The following AVEN variants were observed in gnomAD, a reference collection of about 807,000 sequenced individuals.
The protein encoded by AVEN is apoptosis and caspase activation inhibitor.
A neutral mutation model predicts 38.1 loss-of-function variants in AVEN; 41 were observed. The ratio of observed to expected loss-of-function variants is 1.08; its 90% confidence interval spans 0.84 to 1.40. The LOEUF is 1.40. AVEN is among the 40% of genes most tolerant of loss of function. The probability of loss-of-function intolerance (pLI) is 0.00; values close to 1 mark genes in which losing one functional copy is unlikely to be tolerated. For synonymous variants in AVEN, 206 were observed against 171.8 expected (o/e 1.20, Z -1.56); for missense variants, 605 against 438.8 (o/e 1.38, Z -3.38).
At chr15:33,937,896 T>C (rs1894148800) in intron 2 of AVEN, among the ~76,000 whole-genome samples, 1 of 135,612 alleles carries the variant, frequency 7.4e-6, no homozygotes, top group Non-Finnish European at 1.5e-5. Context: ...ATATGGTATT[T>C]ACAGCAGCCT....
intron 2 of AVEN, among the ~76,000 whole-genome samples, chr15:33,941,942 A>G (rs929670961): frequency 6.6e-6 from 1 of 152,210 alleles, no homozygotes; most frequent in Non-Finnish European, 1.5e-5. Flanking sequence ...ACAACAAAGA[A>G]AATAAAGGGA....
intron 2 of AVEN, among the ~76,000 whole-genome samples, chr15:33,995,167 G>T (rs1164192616): frequency 2.6e-5 from 4 of 152,064 alleles, no homozygotes; most frequent in Non-Finnish European, 5.9e-5. Context: ...AGGAGGCTGG[G>T]GCAGGAGGAT....
At chr15:33,943,427 A>G (rs13380256) in intron 2 of AVEN, among the ~76,000 whole-genome samples, 11,726 of 152,164 alleles carry the variant, frequency 0.077, 1,382 homozygotes, top group African/African-American at 0.25. Context: ...AATAGAAAGT[A>G]CAATGAAGGC....
chr15:33,996,653 G>C (rs935575008), intron 2 of AVEN, among the ~76,000 whole-genome samples: 1 of 152,156 alleles, frequency 6.6e-6, no homozygotes, highest in Admixed American at 6.5e-5. Context: ...GAAAGGAATA[G>C]CATCAACATC....
At chr15:33,857,251 CACCA>C (rs61351846), downstream of AVEN, among the ~76,000 whole-genome samples, 149,241 of 151,992 alleles carry the variant, frequency 0.98, 73,331 homozygotes, top group Middle Eastern at 1. Context: ...GTGCTGGCAG[CACCA>C]GCACCTGGTC....
chr15:33,894,520 A>C (rs1892129993), intron 2 of AVEN, among the ~76,000 whole-genome samples: 1 of 143,154 alleles, frequency 7.0e-6, no homozygotes, highest in African/African-American at 2.5e-5. Context: ...TCTCTTAAAA[A>C]AAAAAAAAAA....
At chr15:33,944,080 C>T (rs1252464385) in intron 2 of AVEN, among the ~76,000 whole-genome samples, 1 of 152,110 alleles carries the variant, frequency 6.6e-6, no homozygotes, top group Non-Finnish European at 1.5e-5. Flanking sequence ...TTTGTCTCAA[C>T]TCTTCAAGTA....
intron 2 of AVEN, among the ~76,000 whole-genome samples, chr15:33,928,317 A>G (rs941890932): frequency 1.3e-5 from 2 of 152,224 alleles, no homozygotes; most frequent in Admixed American, 6.5e-5. Flanking sequence ...AGTTCATATT[A>G]TGAAAGAAAC....
At chr15:33,854,998 G>A, downstream of AVEN, 7 of 1,291,350 alleles carry the variant, frequency 5.4e-6, no homozygotes, top group Non-Finnish European at 7.2e-6. Flanking sequence ...TATATGACAG[G>A]AAGGAATATG....
At chr15:33,906,768 A>T (rs1285961212) in intron 2 of AVEN, among the ~76,000 whole-genome samples, 1 of 152,156 alleles carries the variant, frequency 6.6e-6, no homozygotes, top group Non-Finnish European at 1.5e-5. Flanking sequence ...TGGGCATAGA[A>T]TTTCAGTTTA....
rs369651698 is a variant in AVEN, at chr15:33,867,795, A to T, written c.673T>A (p.Leu225Ile). The change falls in exon 5 of 6, where the codon TTA (leucine) becomes ATA (isoleucine). Residue 225 changes from leucine to isoleucine, a missense_variant. Physicochemically the swap from Leu to Ile is conservative, Grantham distance 5. Coordinates refer to ENST00000306730, the MANE Select transcript of AVEN (RefSeq NM_020371.3). Reference protein sequence around the residue: ...KPKRTDDGKGLGMQLKGPLGP... With the variant: ...KPKRTDDGKGIGMQLKGPLGP... ...AAGGGCCCCTTTAACTGCATCCCTA[A>T]TCCCTTGCCATCATCAGTTCTCTTT... The T allele has an allele frequency of 2.5e-6, 4 of 1,612,386 alleles. No homozygotes were observed. The highest frequency in any genetic ancestry group is 1.3e-5 in the African/African-American group (1 of 74,766).
chr15:34,048,578 G>A (rs182456073), intron 5 of AVEN, among the ~76,000 whole-genome samples: 30 of 151,974 alleles, frequency 2.0e-4, no homozygotes, highest in Admixed American at 2.0e-3. Flanking sequence ...CAGGAGGAGG[G>A]GCAGCCGCCA....
At chr15:33,905,502 T>G (rs1443091353) in intron 2 of AVEN, among the ~76,000 whole-genome samples, 4 of 152,118 alleles carry the variant, frequency 2.6e-5, no homozygotes, top group African/African-American at 9.7e-5. Context: ...ACCAAACTAA[T>G]CTTCTCCAGG....
intron 2 of AVEN, among the ~76,000 whole-genome samples, chr15:33,938,153 T>G (rs1894166158): frequency 6.6e-6 from 1 of 151,802 alleles, no homozygotes; most frequent in Non-Finnish European, 1.5e-5. Flanking sequence ...ACAAATATGA[T>G]TACTATAAAA....
At chr15:34,049,595 G>C (rs1899855778) in intron 5 of AVEN, among the ~76,000 whole-genome samples, 1 of 152,138 alleles carries the variant, frequency 6.6e-6, no homozygotes, top group African/African-American at 2.4e-5. Flanking sequence ...ATGGAACCGA[G>C]TTGGAAAACA....
chr15:33,989,748 CAATTAA>C (rs1484745972), intron 2 of AVEN, among the ~76,000 whole-genome samples: 1 of 151,886 alleles, frequency 6.6e-6, no homozygotes, highest in Non-Finnish European at 1.5e-5. Flanking sequence ...TATCAACTTC[CAATTAA>C]ATATGACATT....
chr15:33,855,956 C>G (rs2079613502), downstream of AVEN: 1 of 152,132 alleles, frequency 6.6e-6, no homozygotes, highest in Admixed American at 6.5e-5. Flanking sequence ...CCTCACATGT[C>G]CAAACCTTTG....
intron 2 of AVEN, among the ~76,000 whole-genome samples, chr15:33,928,821 G>A (rs1893730400): frequency 6.6e-6 from 1 of 152,154 alleles, no homozygotes; most frequent in South Asian, 2.1e-4. Context: ...AATCAGTCCA[G>A]ATGTGTCTTC....
chr15:33,854,221 G>T (rs2079404613), downstream of AVEN, among the ~76,000 whole-genome samples: 1 of 151,310 alleles, frequency 6.6e-6, no homozygotes, highest in Non-Finnish European at 1.5e-5. Flanking sequence ...TTCAGGCTAT[G>T]TGATTCAACT....
Sources: allele counts gnomAD v4.1 joint callset (sites outside exome capture counted in the v4.1 genomes callset), GRCh38; gene constraint gnomAD v4.1.1; transcripts MANE v1.5; gene names NCBI Gene and HGNC (gene_info 2026-07-23, HGNC 2026-07-21).